Variants in SEPTIN14 observed in about 807,000 individuals in gnomAD.
SEPTIN14 encodes septin 14, also known as septin-14.
SEPTIN14 carries 40 observed loss-of-function variants against 53.6 expected under a neutral mutation model. The observed-to-expected ratio is 0.75, with a 90% CI of 0.58 to 0.97. SEPTIN14 has a LOEUF of 0.97. Ranked by LOEUF, SEPTIN14 falls within the 50% of genes least tolerant of loss-of-function variation. The probability of loss-of-function intolerance (pLI) is 0.00; values close to 1 mark genes in which losing one functional copy is unlikely to be tolerated. For missense variants in SEPTIN14, 471 were observed against 508.2 expected (o/e 0.93, Z 0.70); for synonymous variants, 138 against 166.8 (o/e 0.83, Z 1.33).
At chr7:55,813,220 G>A (rs1253651888) in intron 7 of SEPTIN14, among the ~76,000 whole-genome samples, 1 of 152,102 alleles carries the variant, frequency 6.6e-6, no homozygotes, top group Non-Finnish European at 1.5e-5. Flanking sequence ...AAAGTGCTGG[G>A]ACTATAGGTG....
At chr7:55,842,853 C>T (rs558535589) in intron 5 of SEPTIN14, 89 bp downstream of exon 5, 41 of 721,542 alleles carry the variant, frequency 5.7e-5, no homozygotes, top group South Asian at 3.0e-4. Flanking sequence ...GCGGAGCTTG[C>T]GGTGAGATCG....
intron 5 of SEPTIN14, 49 bp from the exon 6 acceptor site, chr7:55,834,635 T>TTTTTTTG (rs372463867): frequency 8.8e-6 from 13 of 1,481,938 alleles, no homozygotes; most frequent in Admixed American, 6.4e-5. Context: ...CATCTCACAG[T>TTTTTTTG]TTTTTTGTTT....
At chr7:55,853,501 G>A (rs1271226492) in intron 2 of SEPTIN14, among the ~76,000 whole-genome samples, 1 of 152,184 alleles carries the variant, frequency 6.6e-6, no homozygotes, top group African/African-American at 2.4e-5. Context: ...TAGAGATAGA[G>A]AGTGGAAGGA....
chr7:55,860,698 G>A (rs1789728917), intron 2 of SEPTIN14, among the ~76,000 whole-genome samples: 1 of 151,974 alleles, frequency 6.6e-6, no homozygotes. Flanking sequence ...AAAAACAGAG[G>A]GGTCCTTGGA....
intron 5 of SEPTIN14, among the ~76,000 whole-genome samples, chr7:55,842,123 G>A (rs1789322659): frequency 6.6e-6 from 1 of 152,180 alleles, no homozygotes; most frequent in African/African-American, 2.4e-5. Flanking sequence ...GTCCAGGTTT[G>A]TAGCCTAGGA....
chr7:55,843,338 G>A (rs552064307), intron 4 of SEPTIN14, among the ~76,000 whole-genome samples: 6 of 152,220 alleles, frequency 3.9e-5, no homozygotes, highest in African/African-American at 1.2e-4. Context: ...AAACATAGAG[G>A]AAAGCTGGGT....
At position 55,795,223 on chromosome 7, in the gene SEPTIN14, A is replaced by AG. The variant is rs1788409081; in HGVS notation, c.*689dup. 1 of 152,182 alleles carries AG rather than the reference A, an allele frequency of 6.6e-6. No homozygotes were observed. Among genetic ancestry groups the AG allele is most frequent in the African/African-American group, 2.4e-5 (1 of 41,436 alleles). 9.4% of individuals were successfully genotyped at this position (152,182 alleles called of 1,614,324 possible). ...TTTTATGCCTATGAGTCCCCAACAA[A>AG]GCCTCCAGCTTCTATTTGGATATAA... On this transcript the variant is annotated 3_prime_UTR_variant, in exon 10 of 10. Coordinates refer to ENST00000388975, the MANE Select transcript of SEPTIN14 (RefSeq NM_207366.3).
chr7:55,842,695 G>A (rs535403731), intron 5 of SEPTIN14, among the ~76,000 whole-genome samples: 4 of 152,044 alleles, frequency 2.6e-5, no homozygotes, highest in South Asian at 2.1e-4. Flanking sequence ...GGAGGATCAC[G>A]AGGTCAGGAG....
At chr7:55,814,633 G>C (rs1457573951) in intron 7 of SEPTIN14, among the ~76,000 whole-genome samples, 2 of 152,056 alleles carry the variant, frequency 1.3e-5, no homozygotes, top group Non-Finnish European at 2.9e-5. Flanking sequence ...ATAAAATACT[G>C]ATGAAAGAAA....
intron 9 of SEPTIN14, among the ~76,000 whole-genome samples, chr7:55,804,265 T>C (rs1437849272): frequency 1.3e-5 from 2 of 150,780 alleles, no homozygotes; most frequent in African/African-American, 4.9e-5. Flanking sequence ...TTGGTTTTTT[T>C]TGTTTTTTTT....
chr7:55,807,477 AACTTATT>A (rs1400037542), intron 7 of SEPTIN14, among the ~76,000 whole-genome samples: 2 of 152,220 alleles, frequency 1.3e-5, no homozygotes, highest in Non-Finnish European at 2.9e-5. Context: ...ATTTGCTTTA[AACTTATT>A]ACCTGAAGAA....
chr7:55,861,269 G>A (rs994903233), intron 2 of SEPTIN14, among the ~76,000 whole-genome samples: 31 of 152,242 alleles, frequency 2.0e-4, no homozygotes, highest in Middle Eastern at 3.4e-3. Flanking sequence ...AGACTGAGGC[G>A]GGTAGATCAC....
In SEPTIN14 at chr7:55,831,124, G is replaced by A. The variant is rs541299975; in HGVS notation, c.720+3301C>T. The stretch of plus-strand genomic sequence containing the variant: ...TAGCCAAAGTACTCCTAAGCAAAAA[G>A]AACTAAGTCAGAGGCATCATGTGTC... On this transcript the variant is annotated intron_variant, in intron 6 of 9. Transcript: ENST00000388975. Among the ~76,000 whole-genome samples, 422 of 152,032 alleles carry A rather than the reference G, an allele frequency of 2.8e-3. 5 individuals carry two copies. The highest frequency in any genetic ancestry group is 0.01 in the Middle Eastern group (3 of 294).
At chr7:55,819,007 A>C (rs1788843815) in intron 7 of SEPTIN14, 120 bp downstream of exon 7, 3 of 639,524 alleles carry the variant, frequency 4.7e-6, no homozygotes, top group Non-Finnish European at 8.3e-6. Context: ...AGTAACTGTT[A>C]ACTTACAGAT....
chr7:55,811,834 C>T (rs1788711717), intron 7 of SEPTIN14, among the ~76,000 whole-genome samples: 1 of 150,992 alleles, frequency 6.6e-6, no homozygotes. Context: ...CGCTCTGTCA[C>T]TCAGGCTGGA....
chr7:55,800,758 C>T (rs188828337), intron 9 of SEPTIN14, among the ~76,000 whole-genome samples: 311 of 152,148 alleles, frequency 2.0e-3, no homozygotes, highest in Middle Eastern at 3.4e-3. Flanking sequence ...ATAAATAAGA[C>T]GCAGTATTTG....
intron 2 of SEPTIN14, among the ~76,000 whole-genome samples, chr7:55,859,269 G>GT (rs1311192167): frequency 2.0e-5 from 3 of 152,024 alleles, no homozygotes; most frequent in Non-Finnish European, 4.4e-5. Flanking sequence ...TTTTGAGTTG[G>GT]TTTTTTGGTA....
intron 9 of SEPTIN14, among the ~76,000 whole-genome samples, chr7:55,799,853 A>G (rs1390468204): frequency 6.6e-6 from 1 of 152,140 alleles, no homozygotes; most frequent in African/African-American, 2.4e-5. Context: ...GTAAGTAGGG[A>G]AAGAGTAGAT....
At chr7:55,838,020 C>T (rs1360882448) in intron 5 of SEPTIN14, among the ~76,000 whole-genome samples, 1 of 152,170 alleles carries the variant, frequency 6.6e-6, no homozygotes, top group African/African-American at 2.4e-5. Flanking sequence ...AATTAAAATT[C>T]CTTCTGTATG....
Sources: gnomAD v4.1 joint callset for allele counts (sites outside exome capture counted in the v4.1 genomes callset) on GRCh38, gnomAD v4.1.1 for gene constraint, MANE v1.5 for transcripts, NCBI Gene and HGNC (gene_info 2026-07-23, HGNC 2026-07-21) for gene names.